The following CACNG2 variants were observed in gnomAD, a reference collection of about 807,000 sequenced individuals.
CACNG2 encodes the protein calcium voltage-gated channel auxiliary subunit gamma 2.
Under a neutral mutation model 25.9 loss-of-function variants are expected in CACNG2, and 3 were observed. The ratio of observed to expected loss-of-function variants is 0.12; its 90% CI spans 0.05 to 0.30. The LOEUF is 0.30. CACNG2 is among the 10% of genes least tolerant of loss of function. The pLI, the probability that CACNG2 is intolerant of heterozygous loss-of-function variation, is 1.00. For synonymous variants in CACNG2, 167 were observed against 173.3 expected (o/e 0.96, Z 0.29); for missense variants, 341 against 432.5 (o/e 0.79, Z 1.88).
chr22:36,600,074 C>T (rs1935731202), intron 1 of CACNG2, among the ~76,000 whole-genome samples: 1 of 152,134 alleles, frequency 6.6e-6, no homozygotes, highest in African/African-American at 2.4e-5. Context: ...GACTAAGGAG[C>T]TCCAGCCGCC....
chr22:36,615,193 G>A (rs1176003005), intron 1 of CACNG2, among the ~76,000 whole-genome samples: 1 of 152,204 alleles, frequency 6.6e-6, no homozygotes, highest in Non-Finnish European at 1.5e-5. Flanking sequence ...AGCCTATAAG[G>A]CTGCATCTGA....
chr22:36,584,085 C>A (rs1456818873), intron 2 of CACNG2, among the ~76,000 whole-genome samples: 1 of 152,208 alleles, frequency 6.6e-6, no homozygotes, highest in Admixed American at 6.5e-5. Flanking sequence ...ATCTAAGTGA[C>A]ATGCCCTCAG....
intron 1 of CACNG2, among the ~76,000 whole-genome samples, chr22:36,612,090 A>T (rs1935950850): frequency 6.6e-6 from 1 of 152,256 alleles, no homozygotes; most frequent in African/African-American, 2.4e-5. Context: ...AAGTATCAGT[A>T]GGACATTTTA....
At chr22:36,653,982 C>G (rs202183071) in intron 1 of CACNG2, among the ~76,000 whole-genome samples, 42 of 134,194 alleles carry the variant, frequency 3.1e-4, no homozygotes, top group East Asian at 1.3e-3. Context: ...GTGTGTGTCT[C>G]TGTGTGTGTG....
At chr22:36,579,944 T>G (rs1935385112) in intron 2 of CACNG2, among the ~76,000 whole-genome samples, 1 of 152,236 alleles carries the variant, frequency 6.6e-6, no homozygotes, top group Non-Finnish European at 1.5e-5. Flanking sequence ...CTTTGTTCTT[T>G]GCGCTCATCG....
rs1935826152 is a variant in CACNG2, at chr22:36,606,005, TG to T, written c.212-18458del. Among the ~76,000 whole-genome samples the T allele has an allele frequency of 6.6e-6, 1 of 152,226 alleles. No homozygotes were observed. Among genetic ancestry groups the T allele is most frequent in the Non-Finnish European group, 1.5e-5 (1 of 68,038 alleles). ...AAGAAGCCCTGTGGTGTGGTGGCTG[TG>T]CCTCTCGCAGGAGAGCGTGGGTCTG... is the stretch of plus-strand genomic sequence containing the variant. On this transcript the variant is annotated intron_variant, in intron 1 of 3. Transcript: ENST00000300105. This position sits in a 1 kb window ranked among gnomAD's most constrained non-coding sequence, Gnocchi z 5.7.
At chr22:36,587,421 G>C (rs773448084) in intron 2 of CACNG2, 44 bp downstream of exon 2, 1 of 1,368,898 alleles carries the variant, frequency 7.3e-7, no homozygotes, top group South Asian at 1.2e-5. Context: ...GGAAGGGCAG[G>C]GCCCACCACC....
chr22:36,676,025 AG>A (rs879370367), intron 1 of CACNG2, among the ~76,000 whole-genome samples: 5 of 152,140 alleles, frequency 3.3e-5, no homozygotes, highest in Non-Finnish European at 5.9e-5. Context: ...AGGGCTGGTG[AG>A]AAGTGATGTT....
At chr22:36,698,374 GT>G (rs1277538303) in intron 1 of CACNG2, among the ~76,000 whole-genome samples, 1 of 152,222 alleles carries the variant, frequency 6.6e-6, no homozygotes, top group Non-Finnish European at 1.5e-5. Flanking sequence ...CTTGCACAGT[GT>G]GAAGGCCTGT....
At chr22:36,568,029 T>C (rs1234228298) in intron 2 of CACNG2, among the ~76,000 whole-genome samples, 5 of 152,058 alleles carry the variant, frequency 3.3e-5, no homozygotes, top group Non-Finnish European at 7.4e-5. Context: ...TTTGTACTTT[T>C]AGTAGAGATG....
chr22:36,621,425 C>G (rs934661112), intron 1 of CACNG2, among the ~76,000 whole-genome samples: 17 of 152,052 alleles, frequency 1.1e-4, no homozygotes, highest in Non-Finnish European at 2.1e-4. Context: ...CAAAAATTAG[C>G]CAGGCATGGA....
chr22:36,678,634 A>G (rs1937046884), intron 1 of CACNG2, among the ~76,000 whole-genome samples: 1 of 129,038 alleles, frequency 7.7e-6, no homozygotes. Flanking sequence ...CATTCCCCCT[A>G]CAGCTCCCAC....
At chr22:36,573,342 T>G (rs1935263438) in intron 2 of CACNG2, among the ~76,000 whole-genome samples, 1 of 151,810 alleles carries the variant, frequency 6.6e-6, no homozygotes, top group African/African-American at 2.4e-5. Context: ...ATTATTATTA[T>G]TTTTTTGAGA....
At chr22:36,585,464 C>T (rs563481768) in intron 2 of CACNG2, 5 of 152,154 alleles carry the variant, frequency 3.3e-5, no homozygotes, top group Admixed American at 6.5e-5. Flanking sequence ...TTTTGTTTTC[C>T]GGCCCAGGAC....
chr22:36,675,739 C>T (rs1366215089), intron 1 of CACNG2, among the ~76,000 whole-genome samples: 4 of 152,326 alleles, frequency 2.6e-5, no homozygotes, highest in Non-Finnish European at 4.4e-5. Context: ...AACCTGTTAT[C>T]GTAGTATCCC....
chr22:36,688,365 C>G (rs892367739), intron 1 of CACNG2, among the ~76,000 whole-genome samples: 5 of 151,714 alleles, frequency 3.3e-5, no homozygotes, highest in African/African-American at 9.7e-5. Flanking sequence ...GACAACACAG[C>G]AAGGTCCCAT....
At chr22:36,678,588 A>C (rs1234813992) in intron 1 of CACNG2, among the ~76,000 whole-genome samples, 1 of 151,320 alleles carries the variant, frequency 6.6e-6, no homozygotes, top group East Asian at 1.9e-4. Context: ...GACGTGACCC[A>C]ATTTGCCTCC....
At chr22:36,628,654 G>T (rs1276734730) in intron 1 of CACNG2, among the ~76,000 whole-genome samples, 1 of 152,126 alleles carries the variant, frequency 6.6e-6, no homozygotes, top group African/African-American at 2.4e-5. Flanking sequence ...TCAGCTTGGT[G>T]TGTGTTTCTG....
chr22:36,576,607 TGAGA>T (rs921019096), intron 2 of CACNG2, among the ~76,000 whole-genome samples: 21 of 149,012 alleles, frequency 1.4e-4, no homozygotes, highest in African/African-American at 2.0e-4. Context: ...TGTGTGTGTG[TGAGA>T]GAGAGAGAGT....
Sources: gnomAD v4.1 joint callset for allele counts (sites outside exome capture counted in the v4.1 genomes callset) on GRCh38, gnomAD v4.1.1 for gene constraint, Gnocchi (gnomAD v3.1) non-coding constraint, MANE v1.5 for transcripts, NCBI Gene and HGNC (gene_info 2026-07-23, HGNC 2026-07-21) for gene names.